LRPPRC: variants seen among roughly 807,000 people sequenced by gnomAD.
The protein encoded by LRPPRC is leucine rich pentatricopeptide repeat containing.
In LRPPRC, 120 loss-of-function variants were observed where a neutral mutation model predicts 180.3. The observed-to-expected ratio is 0.67, with a 90% CI of 0.57 to 0.77. LRPPRC has a LOEUF of 0.77. LRPPRC is among the 30% of genes least tolerant of loss of function. The pLI, the probability that LRPPRC is intolerant of heterozygous loss-of-function variation, is 0.00. For synonymous variants in LRPPRC, 723 were observed against 600.0 expected, an observed-to-expected ratio of 1.21 and a Z score of -3.00; for missense variants, 2,012 against 1,657.2, an observed-to-expected ratio of 1.21 and a Z score of -3.72.
chr2:43,929,085 C>T lies in LRPPRC; in HGVS notation c.2737-3124G>A, dbSNP rs551764558. On this transcript the variant is annotated intron_variant, in intron 25 of 37. Transcript: ENST00000260665. ...TTTACAGTACTGCATTTTTTGATAC[C>T]GTAAGTTTATGACATCTTTTTACAA... Among the ~76,000 whole-genome samples the T allele has an allele frequency of 3.3e-5, 5 of 152,056 alleles. No homozygotes were observed. In the South Asian group the frequency reaches 6.2e-4, roughly 19 times the overall value.
At chr2:43,934,624 G>T (rs1482663323) in intron 24 of LRPPRC, 130 bp downstream of exon 24, 10 of 724,282 alleles carry the variant, frequency 1.4e-5, no homozygotes, top group Admixed American at 2.8e-5. Flanking sequence ...TTTTCTTTTA[G>T]ATTTCACAAG....
Position 43,899,504 on chromosome 2 carries a change from T to A in LRPPRC, c.3671A>T (p.Lys1224Ile). The part of the protein sequence containing the change: ...QYFGLAYLFR[K>I]VIEEQLEPAV... ...TGGTTCCAACTGCTCCTCTATTACT[T>A]TTCTGAATAAGTATGCCAAGCCGAA... Residue 1224 changes from lysine (K) to isoleucine (I), a missense_variant, in exon 33 of 38, where the codon AAA becomes ATA. Transcript: ENST00000260665. 6.2e-7 allele frequency: 1 copy of A among 1,614,114 alleles called. No homozygotes were observed. The highest frequency in any genetic ancestry group is 1.1e-5 in the South Asian group (1 of 91,082).
At chr2:43,889,641 T>G (rs1202500887) in intron 37 of LRPPRC, 93 bp downstream of exon 37, 20 of 1,043,448 alleles carry the variant, frequency 1.9e-5, no homozygotes, top group South Asian at 1.5e-4. Context: ...AATCCTCATG[T>G]AATTAAGTCT....
chr2:43,994,983 G>A (rs1177054338), intron 1 of LRPPRC, among the ~76,000 whole-genome samples: 5 of 152,216 alleles, frequency 3.3e-5, no homozygotes, highest in African/African-American at 1.2e-4. Context: ...GCTCACACCT[G>A]TAATCCCAGC....
At chr2:43,940,067 T>C (rs1260317940) in intron 23 of LRPPRC, among the ~76,000 whole-genome samples, 24 of 152,314 alleles carry the variant, frequency 1.6e-4, no homozygotes, top group East Asian at 1.9e-4. Flanking sequence ...CAAAAAGCAA[T>C]AGCCATGAAT....
intron 36 of LRPPRC, chr2:43,892,790 T>C (rs1670538077): frequency 6.6e-6 from 1 of 151,926 alleles, no homozygotes; most frequent in Admixed American, 6.6e-5. Context: ...AAGCGTTCCA[T>C]GTTTTAAACA....
chr2:43,934,273 G>C lies in LRPPRC; in HGVS notation c.2653C>G (p.Gln885Glu), dbSNP rs369025295. The C allele has an allele frequency of 3.7e-6, 6 of 1,607,788 alleles. No homozygotes were observed. Among genetic ancestry groups the C allele is most frequent in the Non-Finnish European group, 5.1e-6 (6 of 1,175,072 alleles). Residue 885 changes from glutamine to glutamate, a missense_variant, in exon 25 of 38, where the codon CAA becomes GAA. Transcript: ENST00000260665. ...QKAMDFVSQE[Q>E]GEMVMLYDLF... is the part of the protein sequence containing the mutation. ...TCATAGAGCATCACCATTTCACCTT[G>C]TTCTTGGCTCACAAAGTCCATTGCT...
chr2:43,909,550 T>G (rs924490168), intron 30 of LRPPRC, among the ~76,000 whole-genome samples: 2 of 151,856 alleles, frequency 1.3e-5, no homozygotes, highest in African/African-American at 4.8e-5. Context: ...ATACTGTATT[T>G]ATACTGAAAA....
chr2:43,930,691 T>G (rs1298239062), intron 25 of LRPPRC, among the ~76,000 whole-genome samples: 2 of 151,682 alleles, frequency 1.3e-5, no homozygotes, highest in African/African-American at 2.4e-5. Context: ...TTCTCAAAAG[T>G]GGGTCAAATG....
chr2:43,967,173 A>T (rs1263804051), intron 11 of LRPPRC, among the ~76,000 whole-genome samples: 2 of 152,104 alleles, frequency 1.3e-5, no homozygotes, highest in African/African-American at 4.8e-5. Flanking sequence ...CCAAGGTGGG[A>T]GGATTGCTTG....
chr2:43,979,709 G>A (rs1407986344), intron 3 of LRPPRC, 117 bp downstream of exon 3: 2 of 812,036 alleles, frequency 2.5e-6, no homozygotes, highest in African/African-American at 3.5e-5. Context: ...AAAAAATTAT[G>A]AATCAAGTAG....
chr2:43,983,485 A>C (rs1415437882), intron 1 of LRPPRC, among the ~76,000 whole-genome samples: 1 of 152,146 alleles, frequency 6.6e-6, no homozygotes, highest in African/African-American at 2.4e-5. Flanking sequence ...AATAATTCTT[A>C]TGTGTGAAGG....
intron 34 of LRPPRC, among the ~76,000 whole-genome samples, chr2:43,898,071 T>TAAAAAAAAAA (rs61550367): frequency 1.7e-5 from 2 of 115,940 alleles, no homozygotes; most frequent in Admixed American, 8.7e-5. Flanking sequence ...TCCTTAAAAT[T>TAAAAAAAAAA]AAAAAAAAAA....
chr2:43,974,285 G>T lies in LRPPRC; in HGVS notation c.1020C>A (p.Asn340Lys), dbSNP rs753914403. Residue 340 changes from asparagine (N) to lysine (K), a missense_variant, in exon 9 of 38, where the codon AAC becomes AAA. Asn to Lys is a moderately conservative substitution (Grantham distance 94, BLOSUM62 0). Transcript: ENST00000260665. ...CERRYIPDAM[N>K]LILLLVTEKL... ...TTTCAGTGACTAAAAGTAAAATGAG[G>T]TTCATTGCATCTGGGAAGAAAACAA... The T allele has an allele frequency of 1.2e-6, 2 of 1,610,972 alleles. No individual in the cohort carries two copies. Among genetic ancestry groups the T allele is most frequent in the Non-Finnish European group, 8.5e-7 (1 of 1,177,182 alleles).
intron 21 of LRPPRC, 46 bp downstream of exon 21, chr2:43,946,067 G>C (rs755803634): frequency 6.3e-7 from 1 of 1,588,436 alleles, no homozygotes. Context: ...AAGGTCTGTA[G>C]AGCAGAATAA....
chr2:43,965,632 A>G (rs62135108), intron 11 of LRPPRC, among the ~76,000 whole-genome samples: 13,566 of 152,258 alleles, frequency 0.089, 678 homozygotes, highest in South Asian at 0.15. Context: ...GCTAATACCT[A>G]AAATATATAA....
At chr2:43,943,653 C>T in intron 23 of LRPPRC, 34 bp downstream of exon 23, 1 of 1,534,618 alleles carries the variant, frequency 6.5e-7, no homozygotes. Flanking sequence ...TCTTTTAATG[C>T]CAACATTTAA....
At chr2:43,948,258 T>G in intron 17 of LRPPRC, 59 bp from the exon 18 acceptor site, 1 of 1,010,974 alleles carries the variant, frequency 9.9e-7, no homozygotes, top group Non-Finnish European at 1.6e-6. Flanking sequence ...AAACTGAAAT[T>G]TGTCTAACAG....
At chr2:43,986,024 A>C (rs1392089373) in intron 1 of LRPPRC, among the ~76,000 whole-genome samples, 1 of 152,016 alleles carries the variant, frequency 6.6e-6, no homozygotes, top group Non-Finnish European at 1.5e-5. Context: ...GTGGTATCTC[A>C]TTGTTGTTTT....
Sources: allele counts gnomAD v4.1 joint callset (sites outside exome capture counted in the v4.1 genomes callset), GRCh38; gene constraint gnomAD v4.1.1; transcripts MANE v1.5; gene names NCBI Gene and HGNC (gene_info 2026-07-23, HGNC 2026-07-21).